CRACD: variants seen among roughly 807,000 people sequenced by gnomAD.
CRACD encodes the protein capping protein-inhibiting regulator of actin dynamics.
CRACD carries 56 observed loss-of-function variants against 106.8 expected under a neutral mutation model. That is an observed-to-expected ratio of 0.52 (90% CI 0.42 to 0.66). CRACD has a LOEUF of 0.66. Among genes scored for constraint, CRACD ranks in the 30% least tolerant of loss-of-function variants. CRACD has a pLI of 0.00. For missense variants in CRACD, 1,730 were observed against 1,623.2 expected, an observed-to-expected ratio of 1.07 and a Z score of -1.13; for synonymous variants, 754 against 670.8, an observed-to-expected ratio of 1.12 and a Z score of -1.92.
rs757950818 is a variant in CRACD, at chr4:56,313,216, C to T, written c.374C>T (p.Ser125Phe). The T allele has an allele frequency of 1.8e-5, 29 of 1,614,024 alleles. No individual in the cohort carries two copies. ...MEEKVAPVKP[S>F]RPKRHFSSAG... ...CTACAGGTTGCTCCCGTTAAACCGT[C>T]TCGGCCAAAAAGGCACTTCTCTTCT... The change falls in exon 7 of 11, where the codon TCT becomes TTT. Residue 125 changes from serine to phenylalanine, a missense_variant. By Grantham distance (155) the Ser-to-Phe change is radical. Coordinates refer to ENST00000682029, the MANE Select transcript of CRACD (RefSeq NM_001393381.1).
rs1310939237 is a variant in CRACD at position 56,316,560 on chromosome 4, G to A, written c.3058G>A (p.Gly1020Ser). 2.5e-6 allele frequency: 4 copies of A among 1,613,222 alleles called. No homozygotes were observed. The highest frequency in any genetic ancestry group is 2.5e-6 in the Non-Finnish European group (3 of 1,179,682). ...SSDRRPPSPP[G>S]PEERKGQKRD... The stretch of plus-strand genomic sequence containing the variant: ...TGACCGCCGGCCACCCTCGCCCCCA[G>A]GCCCCGAGGAAAGGAAGGGACAGAA... The change falls in exon 8 of 11, where the codon GGC becomes AGC. Residue 1020 changes from glycine (G) to serine (S), a missense_variant. Gly to Ser is a moderately conservative substitution (Grantham distance 56). Coordinates refer to ENST00000682029, the MANE Select transcript of CRACD (RefSeq NM_001393381.1).
chr4:56,178,488 A>T (rs746941125), intron 1 of CRACD, among the ~76,000 whole-genome samples: 16 of 152,242 alleles, frequency 1.1e-4, no homozygotes, highest in Non-Finnish European at 1.9e-4. Context: ...GCCTTTAAAC[A>T]GATTTTAAAA....
intron 3 of CRACD, among the ~76,000 whole-genome samples, chr4:56,279,948 G>A (rs1239978017): frequency 6.6e-6 from 1 of 151,862 alleles, no homozygotes; most frequent in Non-Finnish European, 1.5e-5. Context: ...ATACACCATG[G>A]AATACTATGC....
intron 1 of CRACD, among the ~76,000 whole-genome samples, chr4:56,063,107 A>G (rs755224135): frequency 1.3e-5 from 2 of 152,216 alleles, no homozygotes; most frequent in Non-Finnish European, 2.9e-5. Flanking sequence ...GAAGAAAAGA[A>G]GTTCTGTTTG....
chr4:56,294,913 C>CAAA (rs56200534), intron 3 of CRACD, among the ~76,000 whole-genome samples: 7 of 72,152 alleles, frequency 9.7e-5, no homozygotes, highest in Non-Finnish European at 1.5e-4. Flanking sequence ...GACCTTGTCT[C>CAAA]AAAAAAAAAA....
intron 2 of CRACD, among the ~76,000 whole-genome samples, chr4:56,200,316 T>C (rs1385412124): frequency 6.6e-6 from 1 of 152,194 alleles, no homozygotes; most frequent in Non-Finnish European, 1.5e-5. Context: ...AAATCTTCAC[T>C]AATCATCAGT....
intron 1 of CRACD, among the ~76,000 whole-genome samples, chr4:56,060,586 G>C (rs914023313): frequency 6.6e-6 from 1 of 152,086 alleles, no homozygotes; most frequent in African/African-American, 2.4e-5. Context: ...GGCATGGAGG[G>C]GAGGGGCAGG....
intron 2 of CRACD, among the ~76,000 whole-genome samples, chr4:56,254,288 A>G (rs1254731716): frequency 6.6e-6 from 1 of 152,178 alleles, no homozygotes; most frequent in Admixed American, 6.5e-5. Context: ...CAACGGAGTA[A>G]GTCTAAGATC....
At chr4:56,186,424 G>T (rs569264219) in intron 2 of CRACD, among the ~76,000 whole-genome samples, 3 of 152,256 alleles carry the variant, frequency 2.0e-5, no homozygotes, top group East Asian at 3.9e-4. Context: ...ATATGCTAGG[G>T]AGGACTGAAT....
At chr4:56,209,696 TAG>T (rs1738304072) in intron 2 of CRACD, among the ~76,000 whole-genome samples, 3 of 152,170 alleles carry the variant, frequency 2.0e-5, no homozygotes, top group Admixed American at 2.0e-4. Flanking sequence ...AACTTAAACT[TAG>T]GTTTGGTAAT....
chr4:56,309,085 G>C, intron 5 of CRACD: 1 of 449,162 alleles, frequency 2.2e-6, no homozygotes, highest in African/African-American at 2.0e-5. Context: ...TGGCTGCACA[G>C]AAAATAAAAC....
intron 1 of CRACD, among the ~76,000 whole-genome samples, chr4:56,153,700 T>C (rs1363962259): frequency 6.6e-6 from 1 of 152,244 alleles, no homozygotes; most frequent in Non-Finnish European, 1.5e-5. Flanking sequence ...ATCTGACTTG[T>C]ATTTCGTTCT....
At chr4:56,286,525 C>CAAAAAAAAAAAAAAAAAAAAAAAAAAAAA (rs61498428) in intron 3 of CRACD, among the ~76,000 whole-genome samples, 8 of 89,370 alleles carry the variant, frequency 9.0e-5, no homozygotes, top group African/African-American at 2.8e-4. Context: ...GACTCCGTCT[C>CAAAAAAAAAAAAAAAAAAAAAAAAAAAAA]AAAAAAAAAA....
Position 56,316,692 on chromosome 4 carries a change from AG to A in CRACD, c.3187+5del, listed in dbSNP as rs763108292. The A allele has an allele frequency of 1.9e-6, 3 of 1,602,034 alleles. No homozygotes were observed. The highest frequency in any genetic ancestry group is 2.2e-5 in the South Asian group (2 of 90,154). On this transcript the variant is annotated splice_donor_region_variant and intron_variant, in intron 8 of 10. Coordinates refer to ENST00000682029, the MANE Select transcript of CRACD (RefSeq NM_001393381.1). ...AACACCCGAGGCCGGGAGGAAAGGT[AG>A]GTAGCTGCAGGGTGGGTAACTGCTG...
chr4:56,128,314 A>G (rs901102125), intron 1 of CRACD, among the ~76,000 whole-genome samples: 4 of 152,216 alleles, frequency 2.6e-5, no homozygotes, highest in African/African-American at 9.6e-5. Context: ...GTGTCTGCAA[A>G]GCATGACTTA....
chr4:56,314,478 C>T lies in CRACD; in HGVS notation c.976C>T (p.Gln326Ter). ...GGAGGAGCGAAGGCGTCTGCAGGCC[C>T]AGGCCCAAGCGGAGGAGAGGCGGCG... Reference protein sequence around the residue: ...AEEERRRLQAQAQAEERRRLE... With the variant: ...AEEERRRLQA Residue 326 changes from glutamine to a stop codon, truncating the protein, a stop_gained, in exon 8 of 11, where the codon CAG becomes TAG. Coordinates refer to ENST00000682029, the MANE Select transcript of CRACD (RefSeq NM_001393381.1). LOFTEE classifies it high-confidence loss of function. The surrounding 1 kb of genome is among the most constrained non-coding windows in gnomAD (Gnocchi z 4.4). The T allele has an allele frequency of 6.5e-7, 1 of 1,528,036 alleles. No homozygotes were observed. Among genetic ancestry groups the T allele is most frequent in the Non-Finnish European group, 8.8e-7 (1 of 1,138,476 alleles). 94.7% of individuals were successfully genotyped at this position (1,528,036 alleles called of 1,614,324 possible). A position where few individuals can be genotyped will look rare whatever the true frequency, so the allele number is the denominator to read the frequency against.
chr4:56,268,365 AATTGAT>A (rs1742149516), intron 2 of CRACD, among the ~76,000 whole-genome samples: 1 of 152,114 alleles, frequency 6.6e-6, no homozygotes. Flanking sequence ...ATGATGTCAT[AATTGAT>A]ATTCTTATAA....
At chr4:56,267,226 T>G (rs897133465) in intron 2 of CRACD, among the ~76,000 whole-genome samples, 1 of 151,882 alleles carries the variant, frequency 6.6e-6, no homozygotes, top group Admixed American at 6.6e-5. Flanking sequence ...GTTCAAGCAA[T>G]TCTCCTGCCT....
rs539934685 is a variant in CRACD at position 56,300,299 on chromosome 4, C to T, written c.120+1950C>T. 5.3e-5 allele frequency among the ~76,000 whole-genome samples: 8 copies of T among 152,272 alleles called. No individual in the cohort carries two copies. In the South Asian group the frequency reaches 1.0e-3, roughly 20 times the overall value. On this transcript the variant is annotated intron_variant, in intron 4 of 10. Coordinates refer to ENST00000682029, the MANE Select transcript of CRACD (RefSeq NM_001393381.1). ...GGGAAGTAGCCAAGAGACCTTGGAA[C>T]GACACCCAACTTGCCTAGGTCTTGA...
Sources: gnomAD v4.1 joint callset for allele counts (sites outside exome capture counted in the v4.1 genomes callset) on GRCh38, gnomAD v4.1.1 for gene constraint, Gnocchi (gnomAD v3.1) non-coding constraint, MANE v1.5 for transcripts, NCBI Gene and HGNC (gene_info 2026-07-23, HGNC 2026-07-21) for gene names.